Variants in IQCH observed in about 807,000 individuals in gnomAD.
The protein encoded by IQCH is IQ domain-containing protein H.
Under a neutral mutation model 117.0 loss-of-function variants are expected in IQCH, and 98 were observed. The ratio of observed to expected loss-of-function variants is 0.84; its 90% CI spans 0.71 to 0.99. The LOEUF is 0.99. IQCH is among the 50% of genes least tolerant of loss of function. The pLI is 0.00. For synonymous variants in IQCH, 412 were observed against 448.2 expected (o/e 0.92, Z 1.02); for missense variants, 1,102 against 1,243.8 (o/e 0.89, Z 1.72).
chr15:67,423,303 T>C (rs1475447151), intron 16 of IQCH, among the ~76,000 whole-genome samples: 2 of 152,072 alleles, frequency 1.3e-5, no homozygotes, highest in Non-Finnish European at 2.9e-5. Flanking sequence ...TGGTGGCTCA[T>C]GCCTGTAATC....
intron 6 of IQCH, among the ~76,000 whole-genome samples, chr15:67,344,589 G>T (rs1969306869): frequency 6.6e-6 from 1 of 152,180 alleles, no homozygotes; most frequent in Non-Finnish European, 1.5e-5. Flanking sequence ...ACTTTGAATG[G>T]AATGACTTGA....
intron 4 of IQCH, among the ~76,000 whole-genome samples, chr15:67,322,523 TC>T (rs1184987860): frequency 6.6e-6 from 1 of 152,204 alleles, no homozygotes; most frequent in Non-Finnish European, 1.5e-5. Context: ...CACAGGACTT[TC>T]CTTGTCTACT....
chr15:67,258,737 G>A lies in IQCH; in HGVS notation c.52-2535G>A, dbSNP rs146633567. ...TATTAAGTAGCTCTGTCTCCAAATT[G>A]TCAAAATAATAATCTTTCTCCAAGT... On this transcript the variant is annotated intron_variant, in intron 1 of 20. Transcript: ENST00000335894. Among the ~76,000 whole-genome samples the A allele has an allele frequency of 5.5e-3, 837 of 152,164 alleles. 4 individuals are homozygous for A. Among genetic ancestry groups the A allele is most frequent in the African/African-American group, 0.02 (810 of 41,512 alleles).
intron 4 of IQCH, among the ~76,000 whole-genome samples, chr15:67,311,654 A>G (rs990010927): frequency 5.3e-5 from 8 of 151,100 alleles, no homozygotes; most frequent in Admixed American, 1.3e-4. Flanking sequence ...ACATAATACT[A>G]TATGCAATTG....
Position 67,408,389 on chromosome 15 carries a change from G to C in IQCH, c.2097+8084G>C, listed in dbSNP as rs2081361723. 1 of 152,206 alleles carries C rather than the reference G, an allele frequency of 6.6e-6. No individual in the cohort carries two copies. Among genetic ancestry groups the C allele is most frequent in the African/African-American group, 2.4e-5 (1 of 41,460 alleles). The allele number at this position is 152,206 out of a possible 1,614,324, so 9.4% of individuals were successfully genotyped here. A position where few individuals can be genotyped will look rare whatever the true frequency, so the allele number is the denominator to read the frequency against. On this transcript the variant is annotated intron_variant, in intron 14 of 20. Transcript: ENST00000335894. This position sits in a 1 kb window ranked among gnomAD's most constrained non-coding sequence, Gnocchi z 4.2. Reference sequence around the variant, plus strand: ...ACAGGGATGCCCTTGAGAAAACTCAGACTTTCCTGTGACTGTGCCAGATCC... The same window carrying C: ...ACAGGGATGCCCTTGAGAAAACTCACACTTTCCTGTGACTGTGCCAGATCC...
intron 1 of IQCH, among the ~76,000 whole-genome samples, chr15:67,259,602 G>A (rs964884432): frequency 6.6e-6 from 1 of 152,098 alleles, no homozygotes; most frequent in Non-Finnish European, 1.5e-5. Flanking sequence ...ACAAACCTTT[G>A]GTACAGTTTT....
At chr15:67,327,759 C>G (rs890545060) in intron 4 of IQCH, among the ~76,000 whole-genome samples, 2 of 152,182 alleles carry the variant, frequency 1.3e-5, no homozygotes, top group African/African-American at 4.8e-5. Context: ...TTTAACAGTT[C>G]CATCCTGGCT....
In IQCH at chr15:67,413,455, TA is replaced by T. The variant is rs1013063006; in HGVS notation, c.2098-3472del. On this transcript the variant is annotated intron_variant, in intron 14 of 20. Coordinates refer to ENST00000335894, the MANE Select transcript of IQCH (RefSeq NM_001031715.3). This position sits in a 1 kb window ranked among gnomAD's most constrained non-coding sequence, Gnocchi z 5.0. The stretch of plus-strand genomic sequence containing the variant: ...GTAAAGGGTTGTTTTGTTGGGGGGA[TA>T]AAATAAAATGAAGCTTTTACCAAGA... 7.2e-5 allele frequency: 11 copies of T among 152,260 alleles called. No homozygotes were observed. Among genetic ancestry groups the T allele is most frequent in the Middle Eastern group, 3.4e-3 (1 of 294 alleles). The allele number at this position is 152,260 out of a possible 1,614,324, so 9.4% of individuals were successfully genotyped here. A position where few individuals can be genotyped will look rare whatever the true frequency, so the allele number is the denominator to read the frequency against.
chr15:67,355,222 T>TA (rs201589472), intron 6 of IQCH, among the ~76,000 whole-genome samples: 2 of 152,170 alleles, frequency 1.3e-5, no homozygotes, highest in Admixed American at 1.3e-4. Context: ...TGCATGTTCT[T>TA]AAAAAAATTT....
chr15:67,332,797 C>T (rs532434079), intron 4 of IQCH, among the ~76,000 whole-genome samples: 34 of 152,264 alleles, frequency 2.2e-4, no homozygotes, highest in Admixed American at 2.0e-3. Flanking sequence ...TAGATCTAAA[C>T]ATTTTTCAGA....
At position 67,388,009 on chromosome 15, in the gene IQCH, G is replaced by A. The variant is rs1375531353; in HGVS notation, c.1457-822G>A. Among the ~76,000 whole-genome samples the A allele has an allele frequency of 1.3e-5, 2 of 152,082 alleles. No individual in the cohort carries two copies. The highest frequency in any genetic ancestry group is 4.8e-5 in the African/African-American group (2 of 41,388). On this transcript the variant is annotated intron_variant, in intron 11 of 20. Coordinates refer to ENST00000335894, the MANE Select transcript of IQCH (RefSeq NM_001031715.3). This position sits in a 1 kb window ranked among gnomAD's most constrained non-coding sequence, Gnocchi z 5.5. ...GTATTTCCCTCCACATTTAGCCAAG[G>A]GCTTTGCCCCTACAGATCAGTCAGC...
chr15:67,495,761 C>G (rs560203012), intron 20 of IQCH, among the ~76,000 whole-genome samples: 2 of 152,296 alleles, frequency 1.3e-5, no homozygotes, highest in African/African-American at 4.8e-5. Flanking sequence ...CATAAAAAGT[C>G]AGATATTCTT....
intron 9 of IQCH, 140 bp from the exon 10 acceptor site, chr15:67,373,227 A>T: frequency 1.8e-6 from 1 of 569,646 alleles, no homozygotes; most frequent in South Asian, 2.6e-5. Context: ...TTAATTGGGG[A>T]AGATGTTTTA....
At chr15:67,316,803 A>G (rs1025146837) in intron 4 of IQCH, among the ~76,000 whole-genome samples, 1 of 152,204 alleles carries the variant, frequency 6.6e-6, no homozygotes, top group Non-Finnish European at 1.5e-5. Context: ...AACCAGTCGG[A>G]CTTTCAACGT....
At chr15:67,289,045 A>G (rs1367961292) in intron 4 of IQCH, among the ~76,000 whole-genome samples, 1 of 152,092 alleles carries the variant, frequency 6.6e-6, no homozygotes, top group Non-Finnish European at 1.5e-5. Flanking sequence ...TCTGGGGGGA[A>G]CCCAATGAGT....
At chr15:67,497,628 G>A (rs1246684333) in intron 20 of IQCH, among the ~76,000 whole-genome samples, 1 of 151,912 alleles carries the variant, frequency 6.6e-6, no homozygotes, top group Non-Finnish European at 1.5e-5. Flanking sequence ...TGAGTAGCTG[G>A]GATTACAAGC....
chr15:67,332,368 T>G (rs1968703506), intron 4 of IQCH, among the ~76,000 whole-genome samples: 1 of 152,116 alleles, frequency 6.6e-6, no homozygotes, highest in African/African-American at 2.4e-5. Flanking sequence ...TAATTATCAT[T>G]GTGGAAGAAA....
At chr15:67,350,077 T>A (rs1969587862) in intron 6 of IQCH, among the ~76,000 whole-genome samples, 1 of 152,186 alleles carries the variant, frequency 6.6e-6, no homozygotes, top group African/African-American at 2.4e-5. Context: ...TATATGAAGG[T>A]TTGTAATATA....
At chr15:67,351,196 G>T (rs1032944899) in intron 6 of IQCH, among the ~76,000 whole-genome samples, 17 of 152,102 alleles carry the variant, frequency 1.1e-4, no homozygotes, top group African/African-American at 3.6e-4. Context: ...TAGGTTTTAA[G>T]ATCTGCACGC....
Sources: allele counts gnomAD v4.1 joint callset (sites outside exome capture counted in the v4.1 genomes callset), GRCh38; gene constraint gnomAD v4.1.1; non-coding constraint Gnocchi (gnomAD v3.1); transcripts MANE v1.5; gene names NCBI Gene and HGNC (gene_info 2026-07-23, HGNC 2026-07-21).